Variants in ASMTL observed in about 807,000 individuals in gnomAD.
The protein encoded by ASMTL is probable bifunctional dTTP/UTP pyrophosphatase/methyltransferase protein.
ASMTL carries 57 observed loss-of-function variants against 60.3 expected under a neutral mutation model. The ratio of observed to expected loss-of-function variants is 0.95; its 90% CI spans 0.76 to 1.18. ASMTL has a LOEUF of 1.18. ASMTL is among the 50% of genes most tolerant of loss of function. ASMTL has a pLI of 0.00. For missense variants in ASMTL, 981 were observed against 852.6 expected, an observed-to-expected ratio of 1.15 and a Z score of -1.88; for synonymous variants, 419 against 373.0, an observed-to-expected ratio of 1.12 and a Z score of -1.42.
At chrX:1,426,540 CT>C (rs1410174979) in intron 7 of ASMTL, among the ~76,000 whole-genome samples, 1 of 152,154 alleles carries the variant, frequency 6.6e-6, no homozygotes, top group African/African-American at 2.4e-5. Flanking sequence ...TGAGGGGCCC[CT>C]GAACAGAACA....
chrX:1,443,283 A>T lies in ASMTL; in HGVS notation c.94-966T>A, dbSNP rs868073225. Reference sequence around the variant, plus strand: ...GCCGTCTTGGACACACACCGCCATCATGGACACACACCGCCATCTTGGACA... The same window carrying T: ...GCCGTCTTGGACACACACCGCCATCTTGGACACACACCGCCATCTTGGACA... On this transcript the variant is annotated intron_variant, in intron 1 of 12. Transcript: ENST00000381317. Among the ~76,000 whole-genome samples the T allele has an allele frequency of 2.3e-3, 26 of 11,316 alleles. 1 individual carries two copies. Among genetic ancestry groups the T allele is most frequent in the African/African-American group, 3.3e-3 (24 of 7,254 alleles). 7.4% of individuals were successfully genotyped at this position (11,316 alleles called of 152,430 possible).
intron 6 of ASMTL, among the ~76,000 whole-genome samples, chrX:1,431,025 G>C (rs2090759696): frequency 7.9e-6 from 1 of 126,866 alleles, no homozygotes; most frequent in South Asian, 2.3e-4. Context: ...TTAATATGCA[G>C]TTACATATAT....
chrX:1,418,979 C>G lies in ASMTL; in HGVS notation c.1378+3G>C, dbSNP rs1274705587. 7.4e-6 allele frequency: 12 copies of G among 1,611,730 alleles called. No homozygotes were observed. Among genetic ancestry groups the G allele is most frequent in the Admixed American group, 1.7e-5 (1 of 59,990 alleles). On this transcript the variant is annotated splice_donor_region_variant and intron_variant, in intron 10 of 12. Coordinates refer to ENST00000381317, the MANE Select transcript of ASMTL (RefSeq NM_004192.4). ...GGAGAGCCCTGGCGGGGGGGCCACC[C>G]ACCTCCCACGTCGCAGGCGGAGGAG... is the stretch of plus-strand genomic sequence containing the variant.
chrX:1,445,025 C>T (rs1267437647), intron 1 of ASMTL, among the ~76,000 whole-genome samples: 66 of 152,216 alleles, frequency 4.3e-4, no homozygotes, highest in Non-Finnish European at 7.5e-4. Context: ...CTTCCCTGCG[C>T]GGCTCCAGTT....
chrX:1,420,027 C>T (rs2090433149), intron 9 of ASMTL, among the ~76,000 whole-genome samples: 1 of 59,580 alleles, frequency 1.7e-5, no homozygotes, highest in South Asian at 9.9e-4. Flanking sequence ...CTTTCTATCT[C>T]CCTCTGTCTC....
chrX:1,445,087 C>G lies in ASMTL; in HGVS notation c.94-2770G>C, dbSNP rs1286584810. On this transcript the variant is annotated intron_variant, in intron 1 of 12. Coordinates refer to ENST00000381317, the MANE Select transcript of ASMTL (RefSeq NM_004192.4). ...GGAACATCCAACATCAGACACAAAT[C>G]CAGCCGTCTGGTAAGATCTGCCCTC... 8.3e-4 allele frequency among the ~76,000 whole-genome samples: 127 copies of G among 152,270 alleles called. 1 individual carries two copies. Among genetic ancestry groups the G allele is most frequent in the Non-Finnish European group, 1.7e-3 (114 of 68,022 alleles).
intron 12 of ASMTL, among the ~76,000 whole-genome samples, chrX:1,407,579 C>T (rs1410244993): frequency 6.6e-6 from 1 of 151,932 alleles, no homozygotes; most frequent in Admixed American, 6.6e-5. Context: ...AGACAGATGA[C>T]AGGTGACGGA....
intron 12 of ASMTL, among the ~76,000 whole-genome samples, chrX:1,406,102 GGGTA>G (rs1284785166): frequency 2.8e-4 from 41 of 148,478 alleles, no homozygotes; most frequent in East Asian, 1.6e-3. Flanking sequence ...GTGAATAAAT[GGGTA>G]GGTAGGTAGG....
At chrX:1,403,739 C>T (rs1420486106) in intron 12 of ASMTL, among the ~76,000 whole-genome samples, 15 of 152,024 alleles carry the variant, frequency 9.9e-5, no homozygotes, top group Admixed American at 3.9e-4. Flanking sequence ...GGGCCTTTTC[C>T]GGTTCTCCTG....
Position 1,442,175 on chromosome X carries a change from G to C in ASMTL, c.225+11C>G, listed in dbSNP as rs765431564. 1.2e-6 allele frequency: 2 copies of C among 1,612,998 alleles called. No individual in the cohort carries two copies. Among genetic ancestry groups the C allele is most frequent in the Non-Finnish European group, 1.7e-6 (2 of 1,179,666 alleles). The stretch of plus-strand genomic sequence containing the variant: ...AATTTTCATAAGGGCCGAAGGGCAG[G>C]GGCCCCTTGCCTGGTACAGCCGGTT... On this transcript the variant is annotated intron_variant, in intron 2 of 12. Transcript: ENST00000381317.
chrX:1,435,683 A>T lies in ASMTL; in HGVS notation c.338+11T>A. 4 of 1,613,484 alleles carry T rather than the reference A, an allele frequency of 2.5e-6. No individual in the cohort carries two copies. The highest frequency in any genetic ancestry group is 3.4e-6 in the Non-Finnish European group (4 of 1,179,806). On this transcript the variant is annotated intron_variant, in intron 4 of 12. Coordinates refer to ENST00000381317, the MANE Select transcript of ASMTL (RefSeq NM_004192.4). ...AACCCGAGAGGGCTCAGAGGCCAAC[A>T]TGGTGCTTACCGGGACAGCATCCTG...
chrX:1,412,739 G>A lies in ASMTL; in HGVS notation c.1638C>T (p.Cys546=). 6.2e-7 allele frequency: 1 copy of A among 1,613,980 alleles called. No individual in the cohort carries two copies. The highest frequency in any genetic ancestry group is 2.2e-5 in the East Asian group (1 of 44,884). Residue 546 remains cysteine, a synonymous_variant, in exon 12 of 13, where the codon TGC becomes TGT. Transcript: ENST00000381317. The part of the protein sequence containing the change: ...HKLLSRVAES[C]KPGAGLLLVE... ...CTGACGATGGGCTCTCACCTGGCTT[G>A]CAGCTCTCGGCGACCCTGCTGAGTA...
At chrX:1,411,848 T>C (rs761642580) in intron 12 of ASMTL, among the ~76,000 whole-genome samples, 1 of 137,526 alleles carries the variant, frequency 7.3e-6, no homozygotes, top group South Asian at 2.5e-4. Context: ...AGTCTCGCTC[T>C]GTTACCCAGG....
chrX:1,436,104 C>A (rs6644940), intron 3 of ASMTL, among the ~76,000 whole-genome samples: 47,221 of 151,996 alleles, frequency 0.31, 7,748 homozygotes, highest in Middle Eastern at 0.43. Context: ...TGTGGTCCTC[C>A]GGGGCTGGTT....
At chrX:1,424,362 G>A (rs1443840685) in intron 8 of ASMTL, among the ~76,000 whole-genome samples, 3 of 37,400 alleles carry the variant, frequency 8.0e-5, no homozygotes, top group African/African-American at 1.3e-4. Context: ...TGATATATCT[G>A]TTCATCCACC....
At chrX:1,434,355 T>C (rs1451383899) in intron 5 of ASMTL, among the ~76,000 whole-genome samples, 1 of 151,702 alleles carries the variant, frequency 6.6e-6, no homozygotes, top group African/African-American at 2.4e-5. Flanking sequence ...CCAGGTGTGG[T>C]GGCGTGTGCC....
chrX:1,419,161 G>C, intron 9 of ASMTL, 47 bp from the exon 10 acceptor site: 2 of 1,597,056 alleles, frequency 1.3e-6, no homozygotes, highest in Non-Finnish European at 1.7e-6. Context: ...ACGGGGCGAG[G>C]GCTCGCCCAG....
chrX:1,408,031 C>G (rs2089931136), intron 12 of ASMTL, among the ~76,000 whole-genome samples: 1 of 151,466 alleles, frequency 6.6e-6, no homozygotes, highest in Admixed American at 6.6e-5. Context: ...AAGATCCCAT[C>G]TCTACAAAAT....
intron 1 of ASMTL, among the ~76,000 whole-genome samples, chrX:1,449,179 G>A (rs1236762530): frequency 2.6e-5 from 4 of 152,104 alleles, no homozygotes; most frequent in Non-Finnish European, 4.4e-5. Context: ...ACCTAACTCA[G>A]CCAGAAGCCC....
Sources: allele counts gnomAD v4.1 joint callset (sites outside exome capture counted in the v4.1 genomes callset), GRCh38; gene constraint gnomAD v4.1.1; transcripts MANE v1.5; gene names NCBI Gene and HGNC (gene_info 2026-07-23, HGNC 2026-07-21).